Variants in POMGNT1 observed in about 807,000 individuals in gnomAD.
The protein encoded by POMGNT1 is protein O-linked-mannose beta-1,2-N-acetylglucosaminyltransferase 1.
POMGNT1 carries 67 observed loss-of-function variants against 95.6 expected under a neutral mutation model. The ratio of observed to expected loss-of-function variants is 0.70; its 90% confidence interval spans 0.58 to 0.86. POMGNT1 has a LOEUF of 0.86. POMGNT1 is among the 40% of genes least tolerant of loss of function. The pLI is 0.00. For synonymous variants in POMGNT1, 298 were observed against 317.9 expected (o/e 0.94, Z 0.66); for missense variants, 719 against 855.2 (o/e 0.84, Z 1.99).
At chr1:46,204,836 A>G (rs1427937273) in intron 1 of POMGNT1, among the ~76,000 whole-genome samples, 4 of 152,248 alleles carry the variant, frequency 2.6e-5, no homozygotes, top group South Asian at 2.1e-4. Flanking sequence ...GTAAGAGCCT[A>G]TCTAGACTGT....
At position 46,189,851 on chromosome 1, in the gene POMGNT1, C is replaced by A. The variant is rs756847619; in HGVS notation, c.1785+3G>T. 6.2e-7 allele frequency: 1 copy of A among 1,613,736 alleles called. No homozygotes were observed. The highest frequency in any genetic ancestry group is 1.1e-5 in the South Asian group (1 of 90,882). On this transcript the variant is annotated splice_donor_region_variant and intron_variant, in intron 20 of 21. Coordinates refer to ENST00000371984, the MANE Select transcript of POMGNT1 (RefSeq NM_017739.4). Reference sequence around the variant, plus strand: ...CTCCAGGGTGGGCATGGTATTGGAGCACCTTGGCAAGCTGGGTCCAGGTGG... The same window carrying A: ...CTCCAGGGTGGGCATGGTATTGGAGAACCTTGGCAAGCTGGGTCCAGGTGG...
Position 46,194,381 on chromosome 1 carries a change from C to T in POMGNT1, c.772G>A (p.Asp258Asn), listed in dbSNP as rs143736961. The part of the protein sequence containing the change: ...SAEEAECHWA[D>N]TELNRRRRRF... ...CGGCGGCGACGGTTCAGCTCTGTGT[C>T]TGCCCAGTGGCACTCTGCCTCTGAG... Residue 258 changes from aspartate to asparagine, a missense_variant, in exon 9 of 22, where the codon GAC (aspartate) becomes AAC (asparagine). By Grantham distance (23) the Asp-to-Asn change is conservative. This residue lies in a region of POMGNT1 where 466 missense variants were observed against 517.4 expected (regional missense o/e 0.90). Transcript: ENST00000371984. 1.3e-4 allele frequency: 206 copies of T among 1,614,224 alleles called. No individual in the cohort carries two copies. Among genetic ancestry groups the T allele is most frequent in the Non-Finnish European group, 1.7e-4 (198 of 1,180,032 alleles).
intron 2 of POMGNT1, 185 bp from the exon 3 acceptor site, chr1:46,197,269 C>G (rs759624167): frequency 1.5e-5 from 23 of 1,520,986 alleles, no homozygotes; most frequent in Non-Finnish European, 1.9e-5. Flanking sequence ...CCCAGGGAAC[C>G]TCCCCTGACA....
At chr1:46,197,556 G>A (rs1658342889) in intron 2 of POMGNT1, 146 bp downstream of exon 2, 3 of 1,555,352 alleles carry the variant, frequency 1.9e-6, no homozygotes, top group African/African-American at 1.4e-5. Context: ...TTACCTATAG[G>A]GACATGACAC....
chr1:46,202,951 G>GTA (rs1658592190), upstream of POMGNT1, among the ~76,000 whole-genome samples: 1 of 142,166 alleles, frequency 7.0e-6, no homozygotes, highest in African/African-American at 2.6e-5. Context: ...GTGTGTGTGT[G>GTA]TGTGTGTCTA....
chr1:46,204,572 G>T (rs1005432726), intron 1 of POMGNT1, among the ~76,000 whole-genome samples: 2 of 152,226 alleles, frequency 1.3e-5, no homozygotes, highest in African/African-American at 4.8e-5. Context: ...GTCTGTGAAG[G>T]AGAAGGGGAA....
intron 1 of POMGNT1, chr1:46,203,719 A>G: frequency 8.0e-7 from 1 of 1,246,476 alleles, no homozygotes; most frequent in Non-Finnish European, 1.1e-6. Flanking sequence ...GAGAGGAGGT[A>G]GTTAAAACTC....
At chr1:46,200,777 C>T (rs1425047319), upstream of POMGNT1, among the ~76,000 whole-genome samples, 1 of 152,244 alleles carries the variant, frequency 6.6e-6, no homozygotes, top group Non-Finnish European at 1.5e-5. Context: ...TCCAGCCAGT[C>T]TCCTTGACTC....
intron 1 of POMGNT1, among the ~76,000 whole-genome samples, chr1:46,214,824 G>A (rs1050622829): frequency 7.7e-6 from 1 of 129,060 alleles, no homozygotes; most frequent in Non-Finnish European, 1.5e-5. Flanking sequence ...CAAGATGTGC[G>A]CCATTGCACT....
intron 1 of POMGNT1, among the ~76,000 whole-genome samples, chr1:46,207,472 T>C (rs1218630410): frequency 6.6e-6 from 1 of 152,208 alleles, no homozygotes; most frequent in Non-Finnish European, 1.5e-5. Flanking sequence ...CCTCTAGGTA[T>C]CTACAGTCCT....
intron 1 of POMGNT1, among the ~76,000 whole-genome samples, chr1:46,205,122 G>A (rs968034373): frequency 2.0e-5 from 3 of 152,150 alleles, no homozygotes; most frequent in Non-Finnish European, 4.4e-5. Flanking sequence ...GATGGGTGTT[G>A]TGGTGTGTGC....
At chr1:46,208,300 T>C (rs767486335) in intron 1 of POMGNT1, among the ~76,000 whole-genome samples, 3 of 152,202 alleles carry the variant, frequency 2.0e-5, no homozygotes, top group Non-Finnish European at 4.4e-5. Context: ...CCAACCACAC[T>C]GAATTTTAAG....
At position 46,190,000 on chromosome 1, in the gene POMGNT1, G is replaced by A; in HGVS notation, c.1650-11C>T. The A allele has an allele frequency of 6.2e-7, 1 of 1,613,680 alleles. No individual in the cohort carries two copies. Among genetic ancestry groups the A allele is most frequent in the Non-Finnish European group, 8.5e-7 (1 of 1,179,890 alleles). On this transcript the variant is annotated splice_polypyrimidine_tract_variant and intron_variant, in intron 19 of 21. Transcript: ENST00000371984. ...AGAACCTCAGCCTCACTGCAGTAGAGGGTGGGAGAATATAGCCAAGACAGG... is the reference window on the plus strand; with the variant it reads ...AGAACCTCAGCCTCACTGCAGTAGAAGGTGGGAGAATATAGCCAAGACAGG...
intron 1 of POMGNT1, among the ~76,000 whole-genome samples, chr1:46,211,518 A>C (rs994257870): frequency 6.6e-6 from 1 of 152,014 alleles, no homozygotes; most frequent in Non-Finnish European, 1.5e-5. Flanking sequence ...GACCATAGTA[A>C]TATGTAGAGC....
intron 1 of POMGNT1, among the ~76,000 whole-genome samples, chr1:46,217,577 T>A (rs1382347582): frequency 6.6e-6 from 1 of 152,088 alleles, no homozygotes; most frequent in Non-Finnish European, 1.5e-5. Flanking sequence ...AAATCCTGCC[T>A]GGGCGTGGTG....
rs1456530302 is a variant in POMGNT1 at position 46,196,668 on chromosome 1, C to T, written c.354+63G>A. The T allele has an allele frequency of 1.9e-6, 3 of 1,612,514 alleles. No homozygotes were observed. The highest frequency in any genetic ancestry group is 2.5e-6 in the Non-Finnish European group (3 of 1,179,928). On this transcript the variant is annotated intron_variant, in intron 4 of 21. Transcript: ENST00000371984. This position sits in a 1 kb window ranked among gnomAD's most constrained non-coding sequence, Gnocchi z 4.4. ...GTTCCCACTTAGGCAGTAGACCCTG[C>T]TGCCAGTGGACCATGCCCTGAGCAG...
intron 6 of POMGNT1, 35 bp downstream of exon 6, chr1:46,195,776 G>A (rs1293334435): frequency 3.2e-6 from 5 of 1,544,266 alleles, no homozygotes; most frequent in Non-Finnish European, 4.4e-6. Context: ...TTGGAGCTAG[G>A]GAGTAGGGGT....
At chr1:46,189,642 C>G in intron 20 of POMGNT1, 75 bp from the exon 21 acceptor site, 1 of 1,561,072 alleles carries the variant, frequency 6.4e-7, no homozygotes, top group South Asian at 1.2e-5. Flanking sequence ...CCCTTTGGCC[C>G]AGCCCCCACC....
At chr1:46,204,143 C>G (rs1057505493) in intron 1 of POMGNT1, among the ~76,000 whole-genome samples, 1 of 152,196 alleles carries the variant, frequency 6.6e-6, no homozygotes, top group Non-Finnish European at 1.5e-5. Context: ...TCCGTTTCCT[C>G]TACATCCCCC....
Sources: gnomAD v4.1 joint callset for allele counts (sites outside exome capture counted in the v4.1 genomes callset) on GRCh38, gnomAD v4.1.1 for gene constraint, gnomAD v4.1.1 regional missense constraint, Gnocchi (gnomAD v3.1) non-coding constraint, MANE v1.5 for transcripts, NCBI Gene and HGNC (gene_info 2026-07-23, HGNC 2026-07-21) for gene names.